PDE4D: variants seen among roughly 807,000 people sequenced by gnomAD.
PDE4D encodes the protein 3',5'-cyclic-AMP phosphodiesterase 4D.
A neutral mutation model predicts 87.4 loss-of-function variants in PDE4D; 24 were observed. The ratio of observed to expected loss-of-function variants is 0.27; its 90% CI spans 0.20 to 0.39. The LOEUF is 0.39. PDE4D is among the 10% of genes least tolerant of loss of function. The pLI is 1.00. For synonymous variants in PDE4D, 384 were observed against 383.2 expected (o/e 1.00, Z -0.02); for missense variants, 714 against 1,041.0 (o/e 0.69, Z 4.32).
chr5:59,934,910 T>A (rs988279014), intron 3 of PDE4D, among the ~76,000 whole-genome samples: 4 of 152,040 alleles, frequency 2.6e-5, no homozygotes, highest in African/African-American at 9.7e-5. Context: ...TACAAAAAAA[T>A]ATTGAAGTTG....
chr5:59,904,496 A>C (rs191940560), intron 3 of PDE4D, among the ~76,000 whole-genome samples: 6 of 152,326 alleles, frequency 3.9e-5, no homozygotes, highest in Non-Finnish European at 8.8e-5. Flanking sequence ...CAAGACCTCC[A>C]AAATGCAATT....
chr5:59,543,304 T>C (rs1215335722), intron 1 of PDE4D, among the ~76,000 whole-genome samples: 1 of 152,200 alleles, frequency 6.6e-6, no homozygotes, highest in African/African-American at 2.4e-5. Context: ...ATACTGAGGT[T>C]CATGATAATT....
At chr5:60,416,738 A>G (rs1175590017) in intron 1 of PDE4D, among the ~76,000 whole-genome samples, 1 of 152,210 alleles carries the variant, frequency 6.6e-6, no homozygotes, top group African/African-American at 2.4e-5. Context: ...ACACTATCAT[A>G]CACTCTTCCT....
At chr5:60,282,797 C>G (rs888905968) in intron 1 of PDE4D, among the ~76,000 whole-genome samples, 15 of 152,172 alleles carry the variant, frequency 9.9e-5, no homozygotes, top group Admixed American at 3.9e-4. Flanking sequence ...TATTTGGAAG[C>G]ATGATATTTA....
intron 4 of PDE4D, among the ~76,000 whole-genome samples, chr5:59,181,138 A>G (rs556500497): frequency 6.6e-6 from 1 of 152,082 alleles, no homozygotes; most frequent in Non-Finnish European, 1.5e-5. Flanking sequence ...TTCTTTTCTT[A>G]TATTGAAAAA....
intron 2 of PDE4D, among the ~76,000 whole-genome samples, chr5:60,071,500 A>G (rs923505828): frequency 2.6e-5 from 4 of 152,130 alleles, no homozygotes; most frequent in Non-Finnish European, 4.4e-5. Context: ...AAATCTTAAA[A>G]GTCTTTTTCA....
At chr5:60,027,787 T>C (rs1582246112) in intron 2 of PDE4D, among the ~76,000 whole-genome samples, 1 of 152,240 alleles carries the variant, frequency 6.6e-6, no homozygotes, top group East Asian at 1.9e-4. Context: ...GGAAGAAATG[T>C]GTGACTACAT....
rs1476514202 is a variant in PDE4D at position 59,623,142 on chromosome 5, A to C, written c.455+270026T>G. ...CGTTAAAATAATAAATAATGCTTCAAAATTGTCAAAAATACAGAATATCCT... is the reference window on the plus strand; with the variant it reads ...CGTTAAAATAATAAATAATGCTTCACAATTGTCAAAAATACAGAATATCCT... On this transcript the variant is annotated intron_variant, in intron 1 of 14. Transcript: ENST00000340635. 4.6e-5 allele frequency among the ~76,000 whole-genome samples: 7 copies of C among 152,236 alleles called. 1 individual carries two copies. The highest frequency in any genetic ancestry group is 1.0e-4 in the Non-Finnish European group (7 of 68,044).
At chr5:59,776,193 C>A (rs1425781625) in intron 1 of PDE4D, among the ~76,000 whole-genome samples, 1 of 152,028 alleles carries the variant, frequency 6.6e-6, no homozygotes, top group Non-Finnish European at 1.5e-5. Flanking sequence ...TTAGGGAAAC[C>A]AGAGTTGTAT....
intron 1 of PDE4D, among the ~76,000 whole-genome samples, chr5:59,866,847 C>T (rs1747108756): frequency 6.6e-6 from 1 of 152,070 alleles, no homozygotes; most frequent in African/African-American, 2.4e-5. Context: ...CAACAGTGTC[C>T]ATGGGGATTA....
chr5:60,053,963 T>A (rs1323389232), intron 2 of PDE4D, among the ~76,000 whole-genome samples: 1 of 152,124 alleles, frequency 6.6e-6, no homozygotes, highest in Non-Finnish European at 1.5e-5. Flanking sequence ...ATTAGACAAA[T>A]GCAAATCAAA....
intron 1 of PDE4D, among the ~76,000 whole-genome samples, chr5:59,550,940 C>T (rs1182538485): frequency 6.6e-6 from 1 of 152,124 alleles, no homozygotes; most frequent in Non-Finnish European, 1.5e-5. Context: ...TCGTGATCCA[C>T]CTGCCCCAGC....
chr5:59,832,772 A>G (rs1741443650), intron 1 of PDE4D, among the ~76,000 whole-genome samples: 1 of 152,074 alleles, frequency 6.6e-6, no homozygotes, highest in Non-Finnish European at 1.5e-5. Context: ...CCACTAATCA[A>G]TATTGGACAA....
intron 3 of PDE4D, among the ~76,000 whole-genome samples, chr5:59,911,528 A>G (rs757130157): frequency 2.0e-5 from 3 of 152,200 alleles, no homozygotes; most frequent in Non-Finnish European, 4.4e-5. Context: ...TTGAGTAATA[A>G]TAAGACTCTG....
chr5:60,155,192 C>T (rs10939837), intron 2 of PDE4D, among the ~76,000 whole-genome samples: 76,170 of 152,020 alleles, frequency 0.5, 19,487 homozygotes, highest in Admixed American at 0.55. Context: ...AAGCCAATTA[C>T]CAATACACAC....
chr5:59,461,235 G>T (rs185802467), intron 1 of PDE4D, among the ~76,000 whole-genome samples: 4 of 151,974 alleles, frequency 2.6e-5, no homozygotes, highest in East Asian at 1.9e-4. Context: ...TAGTAAAAAA[G>T]ATTATATATA....
At chr5:60,501,244 T>C (rs1322758443) in intron 1 of PDE4D, among the ~76,000 whole-genome samples, 1 of 152,076 alleles carries the variant, frequency 6.6e-6, no homozygotes, top group East Asian at 1.9e-4. Flanking sequence ...AGTAAGAATA[T>C]GAGGTGTTTG....
chr5:60,102,288 G>T (rs1373728951), intron 2 of PDE4D, among the ~76,000 whole-genome samples: 2 of 151,640 alleles, frequency 1.3e-5, no homozygotes, highest in East Asian at 3.9e-4. Context: ...CAATACAGTG[G>T]GTACATGTGC....
chr5:59,015,671 T>A (rs895842447), intron 6 of PDE4D, among the ~76,000 whole-genome samples: 1 of 152,230 alleles, frequency 6.6e-6, no homozygotes, highest in Non-Finnish European at 1.5e-5. Context: ...TTTACACTGT[T>A]GGTGGGACTG....
Sources: allele counts gnomAD v4.1 joint callset (sites outside exome capture counted in the v4.1 genomes callset), GRCh38; gene constraint gnomAD v4.1.1; transcripts MANE v1.5; gene names NCBI Gene and HGNC (gene_info 2026-07-23, HGNC 2026-07-21).